ZNF492: variants seen among roughly 807,000 people sequenced by gnomAD.
The protein encoded by ZNF492 is zinc finger protein 492, also known as zinc finger protein 115 (Y20).
Under a neutral mutation model 6.4 loss-of-function variants are expected in ZNF492, and 3 were observed. That is an observed-to-expected ratio of 0.47 (90% confidence interval 0.21 to 1.22). The LOEUF (loss-of-function observed/expected upper bound fraction) is 1.22. Ranked by LOEUF, ZNF492 falls within the 50% of genes most tolerant of loss-of-function variation. ZNF492 has a pLI of 0.22. For synonymous variants in ZNF492, 112 were observed against 205.3 expected, an observed-to-expected ratio of 0.55 and a Z score of 3.89; for missense variants, 356 against 612.5, an observed-to-expected ratio of 0.58 and a Z score of 4.42.
intron 3 of ZNF492, among the ~76,000 whole-genome samples, chr19:22,662,159 C>T (rs560535025): frequency 7.9e-4 from 120 of 152,220 alleles, no homozygotes; most frequent in Middle Eastern, 3.4e-3. Flanking sequence ...GCTCAATTCC[C>T]ACCTATGAGT....
intron 1 of ZNF492, among the ~76,000 whole-genome samples, chr19:22,634,752 C>T (rs1264024610): frequency 6.6e-6 from 1 of 152,120 alleles, no homozygotes; most frequent in African/African-American, 2.4e-5. Flanking sequence ...TCGTGTCTCT[C>T]CCAGATTGTG....
intron 1 of ZNF492, among the ~76,000 whole-genome samples, chr19:22,637,527 C>T (rs1474495104): frequency 6.6e-6 from 1 of 151,464 alleles, no homozygotes; most frequent in Non-Finnish European, 1.5e-5. Context: ...AACTTTTGAG[C>T]TCAGGCAATT....
intron 3 of ZNF492, among the ~76,000 whole-genome samples, chr19:22,659,561 TACACAC>T (rs569041771): frequency 1.0e-4 from 14 of 138,786 alleles, no homozygotes; most frequent in South Asian, 2.3e-4. Flanking sequence ...TAATGTGAGA[TACACAC>T]ACACACACAC....
chr19:22,655,731 G>C (rs1295015980), intron 3 of ZNF492, among the ~76,000 whole-genome samples: 3 of 133,842 alleles, frequency 2.2e-5, no homozygotes, highest in Non-Finnish European at 3.1e-5. Context: ...TGTTAAAATA[G>C]AAGCGTTGAG....
intron 1 of ZNF492, among the ~76,000 whole-genome samples, chr19:22,640,666 G>GT (rs533223097): frequency 6.6e-6 from 1 of 152,080 alleles, no homozygotes; most frequent in Non-Finnish European, 1.5e-5. Flanking sequence ...GCTGTTTTTA[G>GT]TTTTTTGGAA....
rs796135727 is a variant in ZNF492 at position 22,634,476 on chromosome 19, T to G, written c.-94+2T>G. The G allele has an allele frequency of 6.6e-6, 7 of 1,065,126 alleles. No individual in the cohort carries two copies. The highest frequency in any genetic ancestry group is 4.6e-5 in the Admixed American group (2 of 43,436). 66.0% of individuals were successfully genotyped at this position (1,065,126 alleles called of 1,614,324 possible). A position where few individuals can be genotyped will look rare whatever the true frequency, so the allele number is the denominator to read the frequency against. Reference sequence around the variant, plus strand: ...GGACCCCCTGGAAGCCTAGAAACGGTGAGAGTGCCGGGTCCGACATCCCGA... The same window carrying G: ...GGACCCCCTGGAAGCCTAGAAACGGGGAGAGTGCCGGGTCCGACATCCCGA... On this transcript the variant is annotated splice_donor_variant, in intron 1 of 3. Coordinates refer to ENST00000456783, the MANE Select transcript of ZNF492 (RefSeq NM_020855.3). LOFTEE classifies it low-confidence loss of function (5UTR_SPLICE).
rs1389413258 is a variant in ZNF492 at position 22,653,528 on chromosome 19, T to G, written c.34+95T>G. 5 of 1,328,518 alleles carry G rather than the reference T, an allele frequency of 3.8e-6. No individual in the cohort carries two copies. The East Asian group carries it at 1.3e-4, about 34-fold the overall frequency. 82.3% of individuals were successfully genotyped at this position (1,328,518 alleles called of 1,614,324 possible). A position where few individuals can be genotyped will look rare whatever the true frequency, so the allele number is the denominator to read the frequency against. On this transcript the variant is annotated intron_variant, in intron 2 of 3. Transcript: ENST00000456783. ...GTTTTTGGTAATTTATGCTTTCAGA[T>G]CTCTGTTTTTTGTTTTTAACTTCAA...
At chr19:22,663,406 A>G (rs1234108493) in intron 3 of ZNF492, among the ~76,000 whole-genome samples, 1 of 152,198 alleles carries the variant, frequency 6.6e-6, no homozygotes, top group Non-Finnish European at 1.5e-5. Context: ...AACCAGTGTA[A>G]AAGCCCCTGC....
chr19:22,644,371 C>T (rs1184151776), intron 1 of ZNF492, among the ~76,000 whole-genome samples: 5 of 152,052 alleles, frequency 3.3e-5, no homozygotes, highest in Non-Finnish European at 7.4e-5. Flanking sequence ...TCTAGGTGCC[C>T]TCCCCTTGCC....
intron 1 of ZNF492, among the ~76,000 whole-genome samples, chr19:22,648,795 T>C (rs1216662319): frequency 1.3e-5 from 2 of 152,242 alleles, no homozygotes; most frequent in African/African-American, 2.4e-5. Flanking sequence ...TTCCATTTGC[T>C]TGGTAAATTT....
chr19:22,664,625 G>A lies in ZNF492; in HGVS notation c.956G>A (p.Ser319Asn), dbSNP rs750249008. ...YKCEECGKAF[S>N]QLSHLTTHKR... ...TGTGAAGAATGTGGTAAGGCCTTTA[G>A]CCAGTTATCCCACCTTACTACACAT... Residue 319 changes from serine to asparagine, a missense_variant, in exon 4 of 4, where the codon AGC becomes AAC. By Grantham distance (46) the Ser-to-Asn change is conservative. Around this residue, in one of 7 missense-constraint regions of ZNF492, gnomAD observed 29 missense variants for 56.8 expected, o/e 0.51. Coordinates refer to ENST00000456783, the MANE Select transcript of ZNF492 (RefSeq NM_020855.3). 3 of 1,612,392 alleles carry A rather than the reference G, an allele frequency of 1.9e-6. No individual in the cohort carries two copies. The highest frequency in any genetic ancestry group is 1.1e-5 in the South Asian group (1 of 90,928).
At chr19:22,641,805 A>AT (rs999839474) in intron 1 of ZNF492, among the ~76,000 whole-genome samples, 296 of 151,498 alleles carry the variant, frequency 2.0e-3, no homozygotes, top group African/African-American at 6.9e-3. Flanking sequence ...TTTATTTTTT[A>AT]TTTTTTGAGA....
intron 1 of ZNF492, among the ~76,000 whole-genome samples, chr19:22,647,727 G>GTTTTTTTTTTTTTTTTTTT (rs71180575): frequency 1.2e-4 from 11 of 92,576 alleles, no homozygotes; most frequent in East Asian, 3.2e-4. Flanking sequence ...AGCTCTTTTA[G>GTTTTTTTTTTTTTTTTTTT]TTTTTTTTTT....
At chr19:22,635,583 T>G (rs1326558854) in intron 1 of ZNF492, among the ~76,000 whole-genome samples, 1 of 152,258 alleles carries the variant, frequency 6.6e-6, no homozygotes, top group Non-Finnish European at 1.5e-5. Flanking sequence ...CTGTGCCTCT[T>G]TTTCTTTTGT....
intron 3 of ZNF492, among the ~76,000 whole-genome samples, chr19:22,661,488 A>G (rs1195916255): frequency 6.6e-6 from 1 of 152,216 alleles, no homozygotes; most frequent in African/African-American, 2.4e-5. Flanking sequence ...CATAGTCTGA[A>G]AACAATTATC....
chr19:22,635,081 T>G (rs1486010753), intron 1 of ZNF492, among the ~76,000 whole-genome samples: 1 of 152,154 alleles, frequency 6.6e-6, no homozygotes, highest in Non-Finnish European at 1.5e-5. Context: ...GCCTACAAAT[T>G]TCCTGGTTGT....
intron 3 of ZNF492, among the ~76,000 whole-genome samples, chr19:22,655,101 T>C (rs1172329116): frequency 6.6e-6 from 1 of 151,312 alleles, no homozygotes; most frequent in Non-Finnish European, 1.5e-5. Context: ...GAGACCAGCC[T>C]GGCCAACATG....
chr19:22,635,031 G>A (rs1297615354), intron 1 of ZNF492, among the ~76,000 whole-genome samples: 1 of 152,074 alleles, frequency 6.6e-6, no homozygotes, highest in Non-Finnish European at 1.5e-5. Context: ...TTCAATAATC[G>A]GTTAGGTATA....
chr19:22,641,979 C>T (rs1448272665), intron 1 of ZNF492, among the ~76,000 whole-genome samples: 2 of 151,756 alleles, frequency 1.3e-5, no homozygotes, highest in Non-Finnish European at 2.9e-5. Flanking sequence ...GTTTTTAGTA[C>T]AGACGGGGTT....
Sources: allele counts gnomAD v4.1 joint callset (sites outside exome capture counted in the v4.1 genomes callset), GRCh38; gene constraint gnomAD v4.1.1; regional missense constraint gnomAD v4.1.1; transcripts MANE v1.5; gene names NCBI Gene and HGNC (gene_info 2026-07-23, HGNC 2026-07-21).